Variants in MYO7B observed in about 807,000 individuals in gnomAD.
MYO7B encodes myosin VIIB.
A neutral mutation model predicts 259.7 loss-of-function variants in MYO7B; 212 were observed. The ratio of observed to expected loss-of-function variants is 0.82; its 90% CI spans 0.73 to 0.91. MYO7B has a LOEUF of 0.91. MYO7B is among the 40% of genes least tolerant of loss of function. The pLI is 0.00. For synonymous variants in MYO7B, 1,197 were observed against 1,166.4 expected (o/e 1.03, Z -0.54); for missense variants, 2,732 against 2,813.5 (o/e 0.97, Z 0.66).
At position 127,596,574 on chromosome 2, in the gene MYO7B, A is replaced by G; in HGVS notation, c.2339+18A>G. ...AGATACAGGTGCCGGCCCCACCCCA[A>G]GGCCCACCCAGCCTACTCCTGCCCA... On this transcript the variant is annotated intron_variant, in intron 19 of 47. Coordinates refer to ENST00000409816, the MANE Select transcript of MYO7B (RefSeq NM_001393586.1). 1.3e-6 allele frequency: 2 copies of G among 1,591,064 alleles called. No individual in the cohort carries two copies. The highest frequency in any genetic ancestry group is 1.3e-5 in the African/African-American group (1 of 74,488).
At chr2:127,595,711 T>C (rs1435225719) in intron 18 of MYO7B, among the ~76,000 whole-genome samples, 1 of 152,238 alleles carries the variant, frequency 6.6e-6, no homozygotes, top group Non-Finnish European at 1.5e-5. Context: ...GATTTCTGCC[T>C]TAATCTCATT....
At chr2:127,571,442 G>GTTTTTTTTTTTTTTTTTTTGTTTTTTTT in intron 6 of MYO7B, among the ~76,000 whole-genome samples, 1 of 41,984 alleles carries the variant, frequency 2.4e-5, no homozygotes, top group African/African-American at 8.1e-5. Flanking sequence ...TTACCAGTGA[G>GTTTTTTTTTTTTTTTTTTTGTTTTTTTT]TTTTTTTTTT....
intron 10 of MYO7B, among the ~76,000 whole-genome samples, chr2:127,581,276 G>C (rs946969487): frequency 6.6e-6 from 1 of 152,154 alleles, no homozygotes; most frequent in African/African-American, 2.4e-5. Context: ...CTTCCCGGTT[G>C]TTCCCCAGTC....
chr2:127,607,212 G>T lies in MYO7B; in HGVS notation c.2431G>T (p.Val811Leu), dbSNP rs201386852. 8 of 1,548,398 alleles carry T rather than the reference G, an allele frequency of 5.2e-6. No homozygotes were observed. In the African/African-American group the frequency reaches 5.5e-5, roughly 11 times the overall value. ...CNRRNFKLIL[V>L]GFERLQAIAR... The stretch of plus-strand genomic sequence containing the variant: ...CTCTCTCTTGCCTCCGCAGATCCTC[G>T]TGGGCTTTGAGCGCCTGCAGGCTAT... Residue 811 changes from valine to leucine, a missense_variant, in exon 21 of 48, where the codon GTG becomes TTG. Transcript: ENST00000409816. The surrounding 1 kb of genome is among the most constrained non-coding windows in gnomAD (Gnocchi z 4.4).
chr2:127,627,267 C>T lies in MYO7B; in HGVS notation c.4417C>T (p.Leu1473=), dbSNP rs1681184715. Residue 1473 remains leucine, a synonymous_variant, in exon 33 of 48, where the codon CTG becomes TTG. Transcript: ENST00000409816. This position sits in a 1 kb window ranked among gnomAD's most constrained non-coding sequence, Gnocchi z 5.6. Reference sequence around the variant, plus strand: ...CCTGGACCAGCAGGAGAAGATGCTGCTGGAACTCTCTTTCCCAGAGGTCAT... The same window carrying T: ...CCTGGACCAGCAGGAGAAGATGCTGTTGGAACTCTCTTTCCCAGAGGTCAT... ...CFLDQQEKML[L]ELSFPEVMGL... 1.2e-6 allele frequency: 2 copies of T among 1,612,760 alleles called. No homozygotes were observed. The highest frequency in any genetic ancestry group is 1.7e-6 in the Non-Finnish European group (2 of 1,179,634).
rs1558801684 is a variant in MYO7B, at chr2:127,564,230, G to A, written c.96G>A (p.Lys32=). The A allele has an allele frequency of 1.9e-6, 3 of 1,580,458 alleles. No individual in the cohort carries two copies. The highest frequency in any genetic ancestry group is 2.7e-5 in the African/African-American group (2 of 74,432). Residue 32 remains lysine, a synonymous_variant, in exon 3 of 48, where the codon AAG becomes AAA. Transcript: ENST00000409816. Reference sequence around the variant, plus strand: ...TCGGGGGCATCATCAAAGAGGCAAAGCCAGGCAAAGTCTTGGTTGAAGATG... The same window carrying A: ...TCGGGGGCATCATCAAAGAGGCAAAACCAGGCAAAGTCTTGGTTGAAGATG... ...VAIGGIIKEA[K]PGKVLVEDDE...
intron 6 of MYO7B, among the ~76,000 whole-genome samples, chr2:127,571,383 G>A (rs910316500): frequency 3.0e-5 from 3 of 100,608 alleles, no homozygotes; most frequent in Admixed American, 2.4e-4. Flanking sequence ...TGAAGTGTCA[G>A]TTCAAATCTT....
chr2:127,591,580 G>A (rs1377668582), intron 16 of MYO7B, among the ~76,000 whole-genome samples: 7 of 152,218 alleles, frequency 4.6e-5, no homozygotes, highest in South Asian at 2.1e-4. Flanking sequence ...ATAGGAAATC[G>A]TCAGTGAAGC....
At position 127,566,752 on chromosome 2, in the gene MYO7B, C is replaced by G; in HGVS notation, c.395C>G (p.Pro132Arg). ...YYSRHMGELPPHVFAIANNCY... is the reference protein window; with the variant it reads ...YYSRHMGELPRHVFAIANNCY... The stretch of plus-strand genomic sequence containing the variant: ...AGCCGCCATATGGGCGAGCTGCCCC[C>G]GCATGTCTTTGCCATCGCCAACAAC... Residue 132 changes from proline (P) to arginine (R), a missense_variant, in exon 5 of 48, where the codon CCG becomes CGG. Around this residue, in one of 3 missense-constraint regions of MYO7B, gnomAD observed 1,906 missense variants for 2,026.4 expected, o/e 0.94. Coordinates refer to ENST00000409816, the MANE Select transcript of MYO7B (RefSeq NM_001393586.1). 6.2e-7 allele frequency: 1 copy of G among 1,612,890 alleles called. No individual in the cohort carries two copies. The highest frequency in any genetic ancestry group is 8.5e-7 in the Non-Finnish European group (1 of 1,179,864).
At chr2:127,632,759 C>A (rs1462553896) in intron 39 of MYO7B, among the ~76,000 whole-genome samples, 1 of 151,746 alleles carries the variant, frequency 6.6e-6, no homozygotes, top group Non-Finnish European at 1.5e-5. Flanking sequence ...CCTCATCCGC[C>A]CACAGCCGTG....
chr2:127,635,349 G>A (rs1681745324), intron 43 of MYO7B, 123 bp downstream of exon 43: 2 of 938,216 alleles, frequency 2.1e-6, no homozygotes, highest in African/African-American at 1.6e-5. Context: ...CAGCCCATGT[G>A]GTAGGCAGAC....
intron 1 of MYO7B, among the ~76,000 whole-genome samples, 174 bp downstream of exon 1, chr2:127,536,005 G>A (rs1692758409): frequency 6.6e-6 from 1 of 152,184 alleles, no homozygotes; most frequent in African/African-American, 2.4e-5. Context: ...AGGGGACTCA[G>A]TCCATCGGGC....
rs773633676 is a variant in MYO7B, at chr2:127,581,937, T to C, written c.1127T>C (p.Leu376Pro). 52 of 1,613,782 alleles carry C rather than the reference T, an allele frequency of 3.2e-5. No homozygotes were observed. The South Asian group carries it at 5.6e-4, about 17-fold the overall frequency. ...GACTGTCTGATCAAGCACACCATCC[T>C]CATCCGAGGGGAATTTGTCACCAGG... ...LRDCLIKHTI[L>P]IRGEFVTRSL... The change falls in exon 11 of 48, where the codon CTC (leucine) becomes CCC (proline). Residue 376 changes from leucine to proline, a missense_variant. Around this residue, in one of 3 missense-constraint regions of MYO7B, gnomAD observed 1,906 missense variants for 2,026.4 expected, o/e 0.94. Transcript: ENST00000409816.
At position 127,614,661 on chromosome 2, in the gene MYO7B, T is replaced by C. The variant is rs1029395214; in HGVS notation, c.3398+2058T>C. ...GATGGGGAGTGACATGGGTCTCTTCTCTGGCAGCCCCCAGTTCTCCTGGGG... is the reference window on the plus strand; with the variant it reads ...GATGGGGAGTGACATGGGTCTCTTCCCTGGCAGCCCCCAGTTCTCCTGGGG... On this transcript the variant is annotated intron_variant, in intron 26 of 47. Coordinates refer to ENST00000409816, the MANE Select transcript of MYO7B (RefSeq NM_001393586.1). The surrounding 1 kb of genome is among the most constrained non-coding windows in gnomAD (Gnocchi z 4.6). Among the ~76,000 whole-genome samples, 1 of 152,142 alleles carries C rather than the reference T, an allele frequency of 6.6e-6. No homozygotes were observed. The highest frequency in any genetic ancestry group is 2.4e-5 in the African/African-American group (1 of 41,422).
intron 1 of MYO7B, among the ~76,000 whole-genome samples, chr2:127,551,301 G>A (rs1283420800): frequency 2.0e-5 from 3 of 152,208 alleles, no homozygotes; most frequent in Non-Finnish European, 4.4e-5. Flanking sequence ...TCGTCACAAT[G>A]TTGGCTGAGC....
intron 37 of MYO7B, 32 bp downstream of exon 37, chr2:127,631,395 G>T: frequency 6.3e-7 from 1 of 1,588,144 alleles, no homozygotes; most frequent in Non-Finnish European, 8.6e-7. Flanking sequence ...CCTGCACCTC[G>T]TCAATGCCAG....
intron 4 of MYO7B, among the ~76,000 whole-genome samples, chr2:127,566,095 G>A (rs1161663629): frequency 6.6e-6 from 1 of 152,224 alleles, no homozygotes; most frequent in African/African-American, 2.4e-5. Context: ...GAAGCCAGAG[G>A]GCACGTCCTC....
chr2:127,571,392 T>C (rs2104894497), intron 6 of MYO7B, among the ~76,000 whole-genome samples: 1 of 151,580 alleles, frequency 6.6e-6, no homozygotes, highest in East Asian at 1.9e-4. Flanking sequence ...AGTTCAAATC[T>C]TTTGCCTATT....
intron 19 of MYO7B, among the ~76,000 whole-genome samples, chr2:127,599,599 C>G (rs369063867): frequency 6.6e-6 from 1 of 152,146 alleles, no homozygotes; most frequent in Non-Finnish European, 1.5e-5. Context: ...TGTCCTTTAT[C>G]TTAGGGGGAA....
Sources: allele counts gnomAD v4.1 joint callset (sites outside exome capture counted in the v4.1 genomes callset), GRCh38; gene constraint gnomAD v4.1.1; regional missense constraint gnomAD v4.1.1; non-coding constraint Gnocchi (gnomAD v3.1); transcripts MANE v1.5; gene names NCBI Gene and HGNC (gene_info 2026-07-23, HGNC 2026-07-21).